MSRA: variants seen among roughly 807,000 people sequenced by gnomAD.
The protein encoded by MSRA is methionine sulfoxide reductase A, also known as mitochondrial peptide methionine sulfoxide reductase.
In MSRA, 54 loss-of-function variants were observed where a neutral mutation model predicts 31.3. The observed-to-expected ratio is 1.73, with a 90% CI of 1.39 to 2.17. MSRA has a LOEUF of 2.17. Ranked by LOEUF, MSRA falls within the 30% of genes most tolerant of loss-of-function variation. MSRA has a pLI of 0.00. For missense variants in MSRA, 507 were observed against 300.9 expected (o/e 1.69, Z -5.07); for synonymous variants, 169 against 116.5 (o/e 1.45, Z -2.90).
At chr8:10,196,327 C>G (rs1807984201) in intron 1 of MSRA, among the ~76,000 whole-genome samples, 1 of 152,100 alleles carries the variant, frequency 6.6e-6, no homozygotes, top group African/African-American at 2.4e-5. Context: ...TCCAGAGTGA[C>G]AGTATGACTT....
chr8:10,286,566 C>T (rs900392840), intron 3 of MSRA, among the ~76,000 whole-genome samples: 1 of 152,162 alleles, frequency 6.6e-6, no homozygotes, highest in South Asian at 2.1e-4. Flanking sequence ...ATGTCTTTAC[C>T]AGCAGCATGA....
At chr8:10,172,075 A>G (rs1225972873) in intron 1 of MSRA, among the ~76,000 whole-genome samples, 1 of 152,214 alleles carries the variant, frequency 6.6e-6, no homozygotes, top group African/African-American at 2.4e-5. Flanking sequence ...TTCCATGGGG[A>G]CTAGGAGGAG....
chr8:10,410,606 G>T (rs945813749), intron 5 of MSRA, among the ~76,000 whole-genome samples: 1 of 152,124 alleles, frequency 6.6e-6, no homozygotes, highest in African/African-American at 2.4e-5. Context: ...AAGCCTCAAG[G>T]TCAGCTCCTG....
intron 1 of MSRA, among the ~76,000 whole-genome samples, chr8:10,121,580 T>C (rs949478610): frequency 6.6e-6 from 1 of 152,156 alleles, no homozygotes; most frequent in South Asian, 2.1e-4. Flanking sequence ...TGGCCAGAAT[T>C]GCCATTTTTC....
chr8:10,391,424 G>C (rs769293452), intron 5 of MSRA, among the ~76,000 whole-genome samples: 13 of 152,216 alleles, frequency 8.5e-5, no homozygotes, highest in Non-Finnish European at 1.6e-4. Flanking sequence ...CTAGCACACT[G>C]TCTGGGACTT....
chr8:10,057,265 C>T lies in MSRA; in HGVS notation c.142+2607C>T, dbSNP rs569544383. On this transcript the variant is annotated intron_variant, in intron 1 of 5. Coordinates refer to ENST00000317173, the MANE Select transcript of MSRA (RefSeq NM_012331.5). ...AGTGCTGGCTGGCTGGTAGGGCACACGGCAATGTGTCTTGCCCTGTATGTG... is the reference window on the plus strand; with the variant it reads ...AGTGCTGGCTGGCTGGTAGGGCACATGGCAATGTGTCTTGCCCTGTATGTG... Among the ~76,000 whole-genome samples, 3 of 152,230 alleles carry T rather than the reference C, an allele frequency of 2.0e-5. No individual in the cohort carries two copies. The South Asian group carries it at 6.2e-4, about 32-fold the overall frequency.
intron 1 of MSRA, among the ~76,000 whole-genome samples, chr8:10,194,452 G>C (rs1807799807): frequency 1.3e-5 from 2 of 152,146 alleles, no homozygotes; most frequent in South Asian, 4.1e-4. Context: ...TGTAATCCCA[G>C]CTACTTGGGA....
chr8:10,097,883 A>T (rs1231219388), intron 1 of MSRA, among the ~76,000 whole-genome samples: 1 of 152,206 alleles, frequency 6.6e-6, no homozygotes, highest in Non-Finnish European at 1.5e-5. Context: ...TTAAAATTTG[A>T]TAAATACTAG....
At chr8:10,182,638 G>A (rs1361685995) in intron 1 of MSRA, among the ~76,000 whole-genome samples, 1 of 152,164 alleles carries the variant, frequency 6.6e-6, no homozygotes, top group Non-Finnish European at 1.5e-5. Context: ...ATACAAGCAT[G>A]CGGTGTGTGA....
chr8:10,124,006 G>C (rs1397801185), intron 1 of MSRA, among the ~76,000 whole-genome samples: 2 of 151,910 alleles, frequency 1.3e-5, no homozygotes, highest in Non-Finnish European at 2.9e-5. Flanking sequence ...TAGAAGTTCT[G>C]GGAGGCTGAG....
chr8:10,127,173 AT>A (rs200401773), intron 1 of MSRA, among the ~76,000 whole-genome samples: 1 of 151,710 alleles, frequency 6.6e-6, no homozygotes, highest in South Asian at 2.1e-4. Context: ...ATTGCCTAGA[AT>A]TTTTTTTTCT....
intron 5 of MSRA, among the ~76,000 whole-genome samples, chr8:10,342,882 G>A (rs1057219255): frequency 6.6e-6 from 1 of 152,154 alleles, no homozygotes; most frequent in Non-Finnish European, 1.5e-5. Flanking sequence ...GTGTGACTTC[G>A]GGCAAGTGTC....
intron 5 of MSRA, among the ~76,000 whole-genome samples, chr8:10,351,017 G>A (rs1013963312): frequency 6.6e-5 from 10 of 152,200 alleles, no homozygotes; most frequent in East Asian, 1.9e-4. Flanking sequence ...CTCTGCAGCT[G>A]CTCCCCCAGA....
intron 1 of MSRA, among the ~76,000 whole-genome samples, chr8:10,127,333 A>G (rs1801575230): frequency 6.6e-6 from 1 of 152,184 alleles, no homozygotes; most frequent in African/African-American, 2.4e-5. Flanking sequence ...ATGGGTACGG[A>G]CTATGTTCAA....
chr8:10,138,609 T>G (rs1024089439), intron 1 of MSRA, among the ~76,000 whole-genome samples: 2 of 152,242 alleles, frequency 1.3e-5, no homozygotes, highest in African/African-American at 4.8e-5. Flanking sequence ...TATTTCCTAT[T>G]TTCCCATGGG....
Position 10,182,763 on chromosome 8 carries a change from G to A in MSRA, c.143-25070G>A, listed in dbSNP as rs144826192. The stretch of plus-strand genomic sequence containing the variant: ...CCACACCCAGTTTTTTGTCACATGG[G>A]CCTTTCCAACATGGCAGCCTGCTTC... On this transcript the variant is annotated intron_variant, in intron 1 of 5. Coordinates refer to ENST00000317173, the MANE Select transcript of MSRA (RefSeq NM_012331.5). Among the ~76,000 whole-genome samples the A allele has an allele frequency of 3.3e-5, 5 of 152,204 alleles. No homozygotes were observed. The East Asian group carries it at 9.7e-4, about 29-fold the overall frequency.
At chr8:10,187,782 T>C (rs1450903991) in intron 1 of MSRA, among the ~76,000 whole-genome samples, 3 of 152,246 alleles carry the variant, frequency 2.0e-5, no homozygotes, top group Non-Finnish European at 2.9e-5. Context: ...CAAGGAATTG[T>C]ACTCTGGATA....
chr8:10,253,923 T>G (rs748511176), intron 3 of MSRA, among the ~76,000 whole-genome samples: 3 of 151,674 alleles, frequency 2.0e-5, no homozygotes, highest in Non-Finnish European at 4.4e-5. Flanking sequence ...CAAGTGAAAA[T>G]TGCAACAAGA....
chr8:10,131,674 C>T (rs1159194447), intron 1 of MSRA, among the ~76,000 whole-genome samples: 3 of 152,108 alleles, frequency 2.0e-5, no homozygotes, highest in Admixed American at 6.5e-5. Context: ...CTCTCCATAC[C>T]CTGTGGTTAG....
Sources: gnomAD v4.1 joint callset for allele counts (sites outside exome capture counted in the v4.1 genomes callset) on GRCh38, gnomAD v4.1.1 for gene constraint, MANE v1.5 for transcripts, NCBI Gene and HGNC (gene_info 2026-07-23, HGNC 2026-07-21) for gene names.